The following PSD3 variants were observed in gnomAD, a reference collection of about 807,000 sequenced individuals.
PSD3 encodes PH and SEC7 domain-containing protein 3.
A neutral mutation model predicts 105.5 loss-of-function variants in PSD3; 49 were observed. The ratio of observed to expected loss-of-function variants is 0.46; its 90% CI spans 0.37 to 0.59. PSD3 has a LOEUF of 0.59. Ranked by LOEUF, PSD3 falls within the 20% of genes least tolerant of loss-of-function variation. The probability of loss-of-function intolerance (pLI) is 0.00; values close to 1 mark genes in which losing one functional copy is unlikely to be tolerated. For synonymous variants in PSD3, 557 were observed against 457.8 expected (o/e 1.22, Z -2.77); for missense variants, 1,561 against 1,263.8 (o/e 1.24, Z -3.57).
At chr8:18,646,595 C>CA (rs1156541688) in intron 10 of PSD3, among the ~76,000 whole-genome samples, 8 of 150,692 alleles carry the variant, frequency 5.3e-5, no homozygotes, top group Non-Finnish European at 1.0e-4. Flanking sequence ...AGCACTACAA[C>CA]AAAAAAAATG....
intron 9 of PSD3, among the ~76,000 whole-genome samples, chr8:18,690,590 G>A (rs991008600): frequency 1.3e-5 from 2 of 152,140 alleles, no homozygotes; most frequent in Non-Finnish European, 2.9e-5. Context: ...GCCACATGAG[G>A]CCTGATACAG....
chr8:18,541,364 G>A (rs1043354917), intron 15 of PSD3, among the ~76,000 whole-genome samples: 17 of 152,214 alleles, frequency 1.1e-4, no homozygotes, highest in Admixed American at 3.9e-4. Context: ...TTTTGAACTC[G>A]TAATATGGCA....
At chr8:19,036,805 G>A (rs553518501) in intron 1 of PSD3, among the ~76,000 whole-genome samples, 1 of 152,288 alleles carries the variant, frequency 6.6e-6, no homozygotes, top group East Asian at 1.9e-4. Flanking sequence ...TGGTGGTAAT[G>A]AATCAGACCA....
intron 11 of PSD3, among the ~76,000 whole-genome samples, chr8:18,627,182 T>C (rs930778631): frequency 1.3e-5 from 2 of 151,906 alleles, no homozygotes; most frequent in African/African-American, 4.8e-5. Flanking sequence ...AGAGAAAGAG[T>C]CTCGGTTCCA....
intron 9 of PSD3, among the ~76,000 whole-genome samples, chr8:18,697,801 A>C (rs1169702390): frequency 2.6e-5 from 4 of 152,146 alleles, no homozygotes; most frequent in Non-Finnish European, 5.9e-5. Context: ...TGGCATCAAC[A>C]TTTCGTCACT....
chr8:18,846,342 G>A (rs1194887086), intron 4 of PSD3, among the ~76,000 whole-genome samples: 1 of 152,170 alleles, frequency 6.6e-6, no homozygotes, highest in Non-Finnish European at 1.5e-5. Context: ...TTTAACAGAG[G>A]CTGTGGGGCT....
chr8:18,956,060 G>T (rs767774916), intron 1 of PSD3, among the ~76,000 whole-genome samples: 9 of 152,064 alleles, frequency 5.9e-5, no homozygotes, highest in Non-Finnish European at 8.8e-5. Context: ...GAGCCACCAT[G>T]CCCGGCCTAT....
chr8:18,814,542 G>C (rs886071313), intron 4 of PSD3, among the ~76,000 whole-genome samples: 1 of 152,098 alleles, frequency 6.6e-6, no homozygotes, highest in African/African-American at 2.4e-5. Flanking sequence ...TTGTGGGATA[G>C]CTCTCACATG....
intron 8 of PSD3, among the ~76,000 whole-genome samples, chr8:18,774,030 A>AT (rs1807795281): frequency 6.6e-6 from 1 of 152,190 alleles, no homozygotes; most frequent in African/African-American, 2.4e-5. Flanking sequence ...TTGCTAGTAT[A>AT]TAGCAATGCA....
intron 2 of PSD3, among the ~76,000 whole-genome samples, chr8:18,878,095 C>T (rs7836936): frequency 0.11 from 16,105 of 152,198 alleles, 1,087 homozygotes; most frequent in Admixed American, 0.22. Context: ...GTTCCATGAC[C>T]ATGGGCTGTC....
intron 8 of PSD3, among the ~76,000 whole-genome samples, chr8:18,777,819 G>A (rs976053316): frequency 1.1e-4 from 17 of 151,960 alleles, no homozygotes; most frequent in African/African-American, 4.1e-4. Flanking sequence ...ACTATCCACA[G>A]CCTCTGGTAA....
intron 1 of PSD3, among the ~76,000 whole-genome samples, chr8:19,002,276 C>T (rs555498216): frequency 1.3e-4 from 20 of 152,084 alleles, no homozygotes; most frequent in South Asian, 2.1e-4. Context: ...GGAAGGAAGG[C>T]GACAACTCCC....
intron 11 of PSD3, among the ~76,000 whole-genome samples, chr8:18,632,282 C>T (rs553749035): frequency 1.3e-5 from 2 of 152,176 alleles, no homozygotes; most frequent in East Asian, 1.9e-4. Context: ...AAGACAGAAA[C>T]CTTGTCCCTC....
chr8:18,876,081 T>C lies in PSD3; in HGVS notation c.131-3348A>G, dbSNP rs530339791. ...ATATCATCTATCAAAACTTCATTCCTTTTATTTTATTATTTTTTACATGTA... is the reference window on the plus strand; with the variant it reads ...ATATCATCTATCAAAACTTCATTCCCTTTATTTTATTATTTTTTACATGTA... On this transcript the variant is annotated intron_variant, in intron 2 of 15. Coordinates refer to ENST00000327040, the MANE Select transcript of PSD3 (RefSeq NM_015310.4). Among the ~76,000 whole-genome samples the C allele has an allele frequency of 1.0e-3, 153 of 152,252 alleles. 2 individuals are homozygous for C. Among genetic ancestry groups the C allele is most frequent in the African/African-American group, 3.5e-3 (146 of 41,554 alleles).
chr8:19,003,165 A>C (rs1826490143), intron 1 of PSD3, among the ~76,000 whole-genome samples: 1 of 152,014 alleles, frequency 6.6e-6, no homozygotes, highest in African/African-American at 2.4e-5. Context: ...TCAAGGGCAC[A>C]CTCCAACCAC....
At chr8:18,926,818 C>T (rs973885387) in intron 2 of PSD3, among the ~76,000 whole-genome samples, 7 of 152,130 alleles carry the variant, frequency 4.6e-5, no homozygotes, top group Admixed American at 2.6e-4. Flanking sequence ...ACTATCTACC[C>T]GGATATGGCA....
intron 2 of PSD3, among the ~76,000 whole-genome samples, chr8:18,930,836 G>A (rs1821704412): frequency 6.6e-6 from 1 of 152,072 alleles, no homozygotes; most frequent in Non-Finnish European, 1.5e-5. Flanking sequence ...CCAAAGTGCT[G>A]GGATTACAGG....
intron 1 of PSD3, among the ~76,000 whole-genome samples, chr8:19,009,275 C>T (rs1484444466): frequency 6.6e-6 from 1 of 152,018 alleles, no homozygotes; most frequent in Non-Finnish European, 1.5e-5. Context: ...TTCCAAGACT[C>T]GAATAATCTA....
chr8:18,629,218 G>C (rs1045106681), intron 11 of PSD3, among the ~76,000 whole-genome samples: 3 of 151,990 alleles, frequency 2.0e-5, no homozygotes, highest in African/African-American at 7.2e-5. Flanking sequence ...TCATGACAAA[G>C]GGGTCAAATC....
Sources: allele counts gnomAD v4.1 joint callset (sites outside exome capture counted in the v4.1 genomes callset), GRCh38; gene constraint gnomAD v4.1.1; transcripts MANE v1.5; gene names NCBI Gene and HGNC (gene_info 2026-07-23, HGNC 2026-07-21).